Variants in EMID1 observed in about 807,000 individuals in gnomAD.
EMID1 encodes the protein EMI domain-containing protein 1.
EMID1 carries 40 observed loss-of-function variants against 60.6 expected under a neutral mutation model. The observed-to-expected ratio is 0.66, with a 90% CI of 0.51 to 0.86. The LOEUF (loss-of-function observed/expected upper bound fraction) is 0.86. Ranked by LOEUF, EMID1 falls within the 40% of genes least tolerant of loss-of-function variation. The probability of loss-of-function intolerance (pLI) is 0.00; values close to 1 mark genes in which losing one functional copy is unlikely to be tolerated. For synonymous variants in EMID1, 242 were observed against 231.0 expected (o/e 1.05, Z -0.43); for missense variants, 585 against 597.1 (o/e 0.98, Z 0.21).
At chr22:29,237,860 A>G (rs191754387) in intron 12 of EMID1, among the ~76,000 whole-genome samples, 1 of 144,564 alleles carries the variant, frequency 6.9e-6, no homozygotes, top group Non-Finnish European at 1.5e-5. Flanking sequence ...CTCTCTGAAG[A>G]ACTACCTTTA....
intron 3 of EMID1, chr22:29,216,494 C>T: frequency 1.0e-6 from 1 of 985,476 alleles, no homozygotes; most frequent in Non-Finnish European, 1.2e-6. Flanking sequence ...GCTCAAGGGA[C>T]AGAAGCATTC....
chr22:29,213,255 C>T (rs374465774), intron 1 of EMID1, among the ~76,000 whole-genome samples: 3 of 152,290 alleles, frequency 2.0e-5, no homozygotes, highest in Middle Eastern at 3.4e-3. Context: ...TTCCCATGTC[C>T]GGTGGCTCCA....
chr22:29,210,528 G>A (rs2146106017), intron 1 of EMID1, among the ~76,000 whole-genome samples: 1 of 151,710 alleles, frequency 6.6e-6, no homozygotes, highest in Middle Eastern at 3.4e-3. Flanking sequence ...GAGCCACTGC[G>A]CCCGGCCAAC....
intron 2 of EMID1, 120 bp from the exon 3 acceptor site, chr22:29,215,407 A>C: frequency 8.0e-7 from 1 of 1,251,712 alleles, no homozygotes; most frequent in South Asian, 1.5e-5. Flanking sequence ...GAGCCTCCAA[A>C]GGGACCTGGA....
chr22:29,242,692 T>TG (rs1468037689), intron 12 of EMID1, among the ~76,000 whole-genome samples: 1 of 152,244 alleles, frequency 6.6e-6, no homozygotes, highest in Non-Finnish European at 1.5e-5. Context: ...TGGGTCATCT[T>TG]GCTCTTTTAG....
At chr22:29,243,639 A>T in intron 13 of EMID1, 150 bp downstream of exon 13, 13 of 936,308 alleles carry the variant, frequency 1.4e-5, no homozygotes, top group Non-Finnish European at 1.6e-5. Flanking sequence ...CTTGGCAATT[A>T]TCAGCCCCAA....
chr22:29,257,228 G>T lies in EMID1; in HGVS notation c.1205-1589G>T, dbSNP rs546456116. On this transcript the variant is annotated intron_variant, in intron 14 of 14. Transcript: ENST00000334018. ...GGTCGGGGGACTGGGAAATGGGACA[G>T]GGAAGGAGGTGGGACCCTCCCCATT... Among the ~76,000 whole-genome samples the T allele has an allele frequency of 6.6e-5, 10 of 152,334 alleles. No individual in the cohort carries two copies. In the South Asian group the frequency reaches 1.2e-3, roughly 19 times the overall value.
chr22:29,248,288 T>G (rs2041403481), intron 13 of EMID1, among the ~76,000 whole-genome samples: 1 of 141,658 alleles, frequency 7.1e-6, no homozygotes, highest in African/African-American at 2.5e-5. Context: ...TTTCACTTTT[T>G]AAATGTTTTT....
intron 2 of EMID1, 79 bp downstream of exon 2, chr22:29,215,118 T>C: frequency 1.4e-6 from 2 of 1,453,386 alleles, no homozygotes; most frequent in Non-Finnish European, 1.8e-6. Flanking sequence ...GGGGACTGCA[T>C]GGGGAGTGTG....
chr22:29,258,980 C>T lies in EMID1; in HGVS notation c.*36C>T. On this transcript the variant is annotated 3_prime_UTR_variant, in exon 15 of 15. Coordinates refer to ENST00000334018, the MANE Select transcript of EMID1 (RefSeq NM_133455.4). ...GGCCCCTGAGGCAGACCAGGCCAGG[C>T]TTCCCCTCCTACCTGGACTCGGCCA... The T allele has an allele frequency of 6.3e-7, 1 of 1,598,420 alleles. No homozygotes were observed. Among genetic ancestry groups the T allele is most frequent in the Non-Finnish European group, 8.5e-7 (1 of 1,173,140 alleles).
chr22:29,213,860 G>A (rs1477083452), intron 1 of EMID1, among the ~76,000 whole-genome samples: 16 of 152,260 alleles, frequency 1.1e-4, no homozygotes, highest in Non-Finnish European at 7.4e-5. Context: ...GGGAGCTGAG[G>A]CTCTGGGATG....
At chr22:29,215,341 A>C in intron 2 of EMID1, 186 bp from the exon 3 acceptor site, 1 of 938,128 alleles carries the variant, frequency 1.1e-6, no homozygotes, top group Non-Finnish European at 1.3e-6. Context: ...CCAATCTCCA[A>C]TCCCTGTGGC....
intron 8 of EMID1, 125 bp downstream of exon 8, chr22:29,232,527 C>T: frequency 9.0e-7 from 1 of 1,106,346 alleles, no homozygotes; most frequent in Non-Finnish European, 1.3e-6. Flanking sequence ...ACATGTGACC[C>T]AGTCCTCCAG....
intron 12 of EMID1, among the ~76,000 whole-genome samples, chr22:29,241,619 C>A (rs1435918827): frequency 6.6e-6 from 1 of 152,102 alleles, no homozygotes; most frequent in East Asian, 1.9e-4. Context: ...GAACTTGTGA[C>A]CTCAGATGAT....
chr22:29,208,860 A>G (rs1395398155), intron 1 of EMID1, among the ~76,000 whole-genome samples: 2 of 152,188 alleles, frequency 1.3e-5, no homozygotes, highest in African/African-American at 4.8e-5. Context: ...AATGAACAAT[A>G]GCTGTTAGCG....
chr22:29,215,663 C>T (rs1055623030), intron 3 of EMID1, 33 bp downstream of exon 3: 16 of 1,572,098 alleles, frequency 1.0e-5, no homozygotes, highest in East Asian at 6.7e-5. Context: ...CGGAGCCCTG[C>T]GACAGCAGGC....
At position 29,224,690 on chromosome 22, in the gene EMID1, G is replaced by C. The variant is rs552499962; in HGVS notation, c.320-443G>C. 3.5e-4 allele frequency among the ~76,000 whole-genome samples: 53 copies of C among 152,340 alleles called. No individual in the cohort carries two copies. In the East Asian group the frequency reaches 4.6e-3, roughly 13 times the overall value. ...TGCCAGTCCCTGTGTGTGCACAGTG[G>C]GCCCTTTGCATTCATGGCCGACCTC... On this transcript the variant is annotated intron_variant, in intron 3 of 14. Coordinates refer to ENST00000334018, the MANE Select transcript of EMID1 (RefSeq NM_133455.4).
rs560339377 is a variant in EMID1 at position 29,214,248 on chromosome 22, T to G, written c.102-678T>G. 2.8e-4 allele frequency among the ~76,000 whole-genome samples: 42 copies of G among 152,198 alleles called. No homozygotes were observed. The East Asian group carries it at 6.2e-3, about 22-fold the overall frequency. On this transcript the variant is annotated intron_variant, in intron 1 of 14. Transcript: ENST00000334018. ...GCAGCTTAATTCAGCGTGACAGGTG[T>G]GCAGATGCTGCGGGAGCCAGGGCAG...
chr22:29,246,059 A>T (rs1362210749), intron 13 of EMID1, among the ~76,000 whole-genome samples: 1 of 152,176 alleles, frequency 6.6e-6, no homozygotes, highest in Non-Finnish European at 1.5e-5. Flanking sequence ...CTTTATAAAC[A>T]CTTTACACTT....
Sources: allele counts gnomAD v4.1 joint callset (sites outside exome capture counted in the v4.1 genomes callset), GRCh38; gene constraint gnomAD v4.1.1; transcripts MANE v1.5; gene names NCBI Gene and HGNC (gene_info 2026-07-23, HGNC 2026-07-21).